The following STEAP3 variants were observed in gnomAD, a reference collection of about 807,000 sequenced individuals.
STEAP3 encodes STEAP3 metalloreductase, also known as metalloreductase STEAP3.
STEAP3 carries 35 observed loss-of-function variants against 34.9 expected under a neutral mutation model. The observed-to-expected ratio is 1.00, with a 90% CI of 0.76 to 1.33. STEAP3 has a LOEUF of 1.33. STEAP3 is among the 40% of genes most tolerant of loss of function. The pLI, the probability that STEAP3 is intolerant of heterozygous loss-of-function variation, is 0.00. For synonymous variants in STEAP3, 281 were observed against 301.6 expected, an observed-to-expected ratio of 0.93 and a Z score of 0.71; for missense variants, 652 against 667.6, an observed-to-expected ratio of 0.98 and a Z score of 0.26.
At chr2:119,257,904 C>T (rs575267890) in intron 5 of STEAP3, among the ~76,000 whole-genome samples, 6 of 152,184 alleles carry the variant, frequency 3.9e-5, no homozygotes, top group East Asian at 1.9e-4. Context: ...GGACCTCACG[C>T]GAGAAAGAAT....
intron 5 of STEAP3, among the ~76,000 whole-genome samples, chr2:119,260,995 C>T (rs1677925868): frequency 6.6e-6 from 1 of 152,196 alleles, no homozygotes; most frequent in South Asian, 2.1e-4. Context: ...GAATGTTGAA[C>T]GTGAGAACCT....
intron 2 of STEAP3, among the ~76,000 whole-genome samples, chr2:119,240,776 C>G (rs533222521): frequency 3.3e-5 from 5 of 152,314 alleles, no homozygotes; most frequent in African/African-American, 4.8e-5. Context: ...CCTCGGCCCA[C>G]AGAGCTGCAA....
chr2:119,254,852 AAGTAGTCTCT>A lies in STEAP3; in HGVS notation c.1215+8_1215+17del, dbSNP rs1426423096. On this transcript the variant is annotated splice_donor_5th_base_variant and intron_variant, in intron 5 of 5. Coordinates refer to ENST00000393110, the MANE Select transcript of STEAP3 (RefSeq NM_182915.3). The stretch of plus-strand genomic sequence containing the variant: ...GAGGGAGTTCAGCTTCGTTCAGGTA[AAGTAGTCTCT>A]AGTCTGCCAGCCAGCTTCAGCGTGG... 2.5e-6 allele frequency: 4 copies of A among 1,613,458 alleles called. No individual in the cohort carries two copies. In the Admixed American group the frequency reaches 6.7e-5, roughly 27 times the overall value.
At chr2:119,228,368 T>G (rs1337006360) in intron 1 of STEAP3, among the ~76,000 whole-genome samples, 1 of 152,138 alleles carries the variant, frequency 6.6e-6, no homozygotes, top group African/African-American at 2.4e-5. Flanking sequence ...AGGGGGGCTT[T>G]CTGGGTGACT....
rs367803177 is a variant in STEAP3 at position 119,239,616 on chromosome 2, A to G, written c.23-5873A>G. 4.6e-5 allele frequency among the ~76,000 whole-genome samples: 7 copies of G among 152,152 alleles called. No homozygotes were observed. The East Asian group carries it at 1.2e-3, about 25-fold the overall frequency. Reference sequence around the variant, plus strand: ...GGGCTATCTTGGGCCCCGTTTGCTCAATGCAGGCCCCTCTTTCTGAAGCGC... The same window carrying G: ...GGGCTATCTTGGGCCCCGTTTGCTCGATGCAGGCCCCTCTTTCTGAAGCGC... On this transcript the variant is annotated intron_variant, in intron 2 of 5. Coordinates refer to ENST00000393110, the MANE Select transcript of STEAP3 (RefSeq NM_182915.3).
At chr2:119,228,989 C>A (rs1679132155) in intron 1 of STEAP3, among the ~76,000 whole-genome samples, 1 of 152,142 alleles carries the variant, frequency 6.6e-6, no homozygotes, top group Non-Finnish European at 1.5e-5. Flanking sequence ...GCAGCTTCTC[C>A]AAAGAGATCT....
In STEAP3 at chr2:119,263,443, T is replaced by C. The variant is rs1678010873; in HGVS notation, c.*105T>C. The C allele has an allele frequency of 6.6e-7, 1 of 1,506,978 alleles. No individual in the cohort carries two copies. Among genetic ancestry groups the C allele is most frequent in the Non-Finnish European group, 8.9e-7 (1 of 1,118,006 alleles). 93.4% of individuals were successfully genotyped at this position (1,506,978 alleles called of 1,614,324 possible). On this transcript the variant is annotated 3_prime_UTR_variant, in exon 6 of 6. Coordinates refer to ENST00000393110, the MANE Select transcript of STEAP3 (RefSeq NM_182915.3). ...GCAAAGTGGTATAACTGTGTGCAAA[T>C]AGGAGGTTTGAGGTCCAAATTCCTG...
intron 2 of STEAP3, among the ~76,000 whole-genome samples, chr2:119,231,779 A>G (rs1676945224): frequency 6.6e-6 from 1 of 152,226 alleles, no homozygotes; most frequent in Admixed American, 6.5e-5. Flanking sequence ...TACAAGAAAT[A>G]TAACAGTAAA....
rs1405853849 is a variant in STEAP3 at position 119,247,669 on chromosome 2, T to C, written c.523-10T>C. 5.3e-6 allele frequency: 8 copies of C among 1,514,600 alleles called. No homozygotes were observed. The highest frequency in any genetic ancestry group is 1.3e-5 in the South Asian group (1 of 76,572). The allele number at this position is 1,514,600 out of a possible 1,614,324, so 93.8% of individuals were successfully genotyped here. On this transcript the variant is annotated splice_polypyrimidine_tract_variant and intron_variant, in intron 3 of 5. Transcript: ENST00000393110. ...TGACGCCGTCTGACTGCCCCACTTT[T>C]CTCCCGCAGGTGCCCATCTGCGGTG...
chr2:119,227,490 C>G (rs918760006), intron 1 of STEAP3, among the ~76,000 whole-genome samples: 6 of 152,190 alleles, frequency 3.9e-5, no homozygotes, highest in African/African-American at 1.4e-4. Flanking sequence ...CCCACAGTTA[C>G]CGGGCAGCGT....
intron 4 of STEAP3, among the ~76,000 whole-genome samples, chr2:119,254,213 G>C (rs1677708391): frequency 6.6e-6 from 1 of 151,978 alleles, no homozygotes; most frequent in African/African-American, 2.4e-5. Flanking sequence ...TCAGAGCTAG[G>C]AGAGCTCCTC....
chr2:119,229,043 A>G (rs1009730412), intron 1 of STEAP3, among the ~76,000 whole-genome samples: 1 of 151,944 alleles, frequency 6.6e-6, no homozygotes, highest in Non-Finnish European at 1.5e-5. Context: ...AGTCCTATCC[A>G]CCCCACACCA....
intron 5 of STEAP3, among the ~76,000 whole-genome samples, chr2:119,262,011 G>C (rs1014482791): frequency 1.3e-5 from 2 of 152,200 alleles, no homozygotes; most frequent in Admixed American, 6.5e-5. Flanking sequence ...TTCCACCCGG[G>C]TTGTTTATAA....
chr2:119,224,192 G>T (rs1186101857), intron 1 of STEAP3, among the ~76,000 whole-genome samples: 1 of 152,208 alleles, frequency 6.6e-6, no homozygotes, highest in Non-Finnish European at 1.5e-5. Context: ...GCAGATGTGG[G>T]CGCCCCTCCG....
chr2:119,245,948 C>T lies in STEAP3; in HGVS notation c.482C>T (p.Ala161Val), dbSNP rs754395019. 6.2e-7 allele frequency: 1 copy of T among 1,613,800 alleles called. No individual in the cohort carries two copies. The highest frequency in any genetic ancestry group is 1.1e-5 in the South Asian group (1 of 91,088). The change falls in exon 3 of 6, where the codon GCC becomes GTC. Residue 161 changes from alanine (A) to valine (V), a missense_variant. Coordinates refer to ENST00000393110, the MANE Select transcript of STEAP3 (RefSeq NM_182915.3). Reference sequence around the variant, plus strand: ...GTCAAGGCCTTCAATGTCATCTCTGCCTGGACCCTGCAGGCTGGCCCAAGG... The same window carrying T: ...GTCAAGGCCTTCAATGTCATCTCTGTCTGGACCCTGCAGGCTGGCCCAAGG... ...TVVKAFNVIS[A>V]WTLQAGPRDG...
chr2:119,243,809 C>T (rs1260998714), intron 2 of STEAP3, among the ~76,000 whole-genome samples: 2 of 152,198 alleles, frequency 1.3e-5, no homozygotes, highest in African/African-American at 4.8e-5. Context: ...AGAGCCGGGC[C>T]CAGCCTCCTG....
intron 2 of STEAP3, among the ~76,000 whole-genome samples, chr2:119,237,824 T>C (rs1470260426): frequency 6.7e-6 from 1 of 149,914 alleles, no homozygotes; most frequent in Non-Finnish European, 1.5e-5. Flanking sequence ...CCCGTGAGGA[T>C]CACTCCCCAT....
rs1490505501 is a variant in STEAP3 at position 119,263,624 on chromosome 2, T to G, written c.*286T>G. The stretch of plus-strand genomic sequence containing the variant: ...TTCAACTTGTAGATTTAAAAACAAG[T>G]GCCGTACGTTAAGAGAAGAGCAGAT... On this transcript the variant is annotated 3_prime_UTR_variant, in exon 6 of 6. Coordinates refer to ENST00000393110, the MANE Select transcript of STEAP3 (RefSeq NM_182915.3). 1.6e-5 allele frequency: 8 copies of G among 505,364 alleles called. No individual in the cohort carries two copies. The highest frequency in any genetic ancestry group is 2.9e-5 in the Non-Finnish European group (8 of 279,222). 31.3% of individuals were successfully genotyped at this position (505,364 alleles called of 1,614,324 possible).
intron 1 of STEAP3, among the ~76,000 whole-genome samples, chr2:119,229,194 G>T (rs982575183): frequency 6.6e-6 from 1 of 152,196 alleles, no homozygotes; most frequent in Non-Finnish European, 1.5e-5. Context: ...CTAGGCTGGA[G>T]TACAGTGGTG....
Sources: gnomAD v4.1 joint callset for allele counts (sites outside exome capture counted in the v4.1 genomes callset) on GRCh38, gnomAD v4.1.1 for gene constraint, MANE v1.5 for transcripts, NCBI Gene and HGNC (gene_info 2026-07-23, HGNC 2026-07-21) for gene names.